RASGRP3: variants seen among roughly 807,000 people sequenced by gnomAD.
RASGRP3 encodes the protein ras guanyl-releasing protein 3.
A neutral mutation model predicts 82.7 loss-of-function variants in RASGRP3; 54 were observed. The observed-to-expected ratio is 0.65, with a 90% CI of 0.52 to 0.82. RASGRP3 has a LOEUF of 0.82. RASGRP3 is among the 40% of genes least tolerant of loss of function. RASGRP3 has a pLI of 0.00. For synonymous variants in RASGRP3, 309 were observed against 300.5 expected, an observed-to-expected ratio of 1.03 and a Z score of -0.29; for missense variants, 861 against 828.9, an observed-to-expected ratio of 1.04 and a Z score of -0.48.
chr2:33,533,966 C>T (rs1383521900), intron 10 of RASGRP3: 1 of 198,176 alleles, frequency 5.0e-6, no homozygotes, highest in Non-Finnish European at 1.0e-5. Context: ...AATCAAACTT[C>T]AAAGGCAGCA....
intron 2 of RASGRP3, chr2:33,457,961 A>T (rs1174281926): frequency 6.6e-6 from 1 of 152,196 alleles, no homozygotes; most frequent in East Asian, 1.9e-4. Flanking sequence ...TTATATTTTC[A>T]CCTGGCCCTT....
chr2:33,484,530 G>C (rs1668197687), intron 1 of RASGRP3, among the ~76,000 whole-genome samples: 1 of 151,226 alleles, frequency 6.6e-6, no homozygotes, highest in Non-Finnish European at 1.5e-5. Flanking sequence ...CGATGCTTTA[G>C]AGATCATTTT....
rs145513137 is a variant in RASGRP3, at chr2:33,438,094, G to A, written c.-385+1503G>A. Among the ~76,000 whole-genome samples, 18 of 152,264 alleles carry A rather than the reference G, an allele frequency of 1.2e-4. No homozygotes were observed. In the East Asian group the frequency reaches 2.9e-3, roughly 24 times the overall value. ...ATTTCCCTTAGAGTTTCAAAACAAC[G>A]TTCACATTTGACACATTCACATGTT... On this transcript the variant is annotated intron_variant, in intron 1 of 18. Transcript: ENST00000402538.
At chr2:33,524,103 C>G (rs963357891) in intron 8 of RASGRP3, 51 bp downstream of exon 8, 112 of 1,575,448 alleles carry the variant, frequency 7.1e-5, no homozygotes, top group Non-Finnish European at 8.9e-5. Context: ...TTCGTTCACT[C>G]TGTTGAGAAA....
intron 1 of RASGRP3, among the ~76,000 whole-genome samples, chr2:33,437,540 G>C (rs916273018): frequency 2.0e-5 from 3 of 152,196 alleles, no homozygotes; most frequent in Admixed American, 6.5e-5. Context: ...AAGGAAATGT[G>C]TGGCTGTTAT....
chr2:33,458,739 A>T (rs1306264666), intron 2 of RASGRP3, among the ~76,000 whole-genome samples: 2 of 152,252 alleles, frequency 1.3e-5, no homozygotes, highest in Non-Finnish European at 2.9e-5. Flanking sequence ...GCACCATTGC[A>T]TGCTGTGAAA....
chr2:33,487,870 C>T (rs543251062), intron 1 of RASGRP3, among the ~76,000 whole-genome samples: 2 of 152,318 alleles, frequency 1.3e-5, no homozygotes, highest in East Asian at 3.9e-4. Context: ...GAGGCTGAAG[C>T]AGGAGGATCA....
intron 13 of RASGRP3, among the ~76,000 whole-genome samples, chr2:33,545,651 G>C (rs1157567975): frequency 6.6e-6 from 1 of 152,082 alleles, no homozygotes; most frequent in East Asian, 1.9e-4. Flanking sequence ...CTTTGAGTAG[G>C]CAAAGGACAT....
rs375192496 is a variant in RASGRP3, at chr2:33,462,384, CT to C, written c.-261+14454del. ...GTAGAGGTTTTTTTTTTTTGTTTTT[CT>C]TTTTTTTTTTTTAAGACAGAGTCTC... On this transcript the variant is annotated intron_variant, in intron 2 of 18. Coordinates refer to the RASGRP3 transcript ENST00000402538. 6.9e-3 allele frequency among the ~76,000 whole-genome samples: 964 copies of C among 138,830 alleles called. 9 individuals carry two copies. The highest frequency in any genetic ancestry group is 0.054 in the Middle Eastern group (15 of 280). 91.1% of individuals were successfully genotyped at this position (138,830 alleles called of 152,430 possible). A position where few individuals can be genotyped will look rare whatever the true frequency, so the allele number is the denominator to read the frequency against.
At chr2:33,496,500 C>T (rs1463362533) in intron 1 of RASGRP3, among the ~76,000 whole-genome samples, 1 of 152,148 alleles carries the variant, frequency 6.6e-6, no homozygotes, top group Non-Finnish European at 1.5e-5. Context: ...GCCTATGTTA[C>T]AACAAAGATA....
intron 7 of RASGRP3, among the ~76,000 whole-genome samples, chr2:33,522,419 A>C (rs1349155710): frequency 1.3e-5 from 2 of 152,202 alleles, no homozygotes; most frequent in Non-Finnish European, 2.9e-5. Context: ...TCCCAAGTGA[A>C]CATGTTTTGC....
Position 33,450,818 on chromosome 2 carries a change from CTTTCTTTTTTTTTT to C in RASGRP3, c.-261+2879_-261+2892del, listed in dbSNP as rs1214305107. Among the ~76,000 whole-genome samples the C allele has an allele frequency of 4.8e-3, 207 of 43,390 alleles. 1 individual carries two copies. Among genetic ancestry groups the C allele is most frequent in the Non-Finnish European group, 7.1e-3 (153 of 21,628 alleles). The allele number at this position is 43,390 out of a possible 152,430, so 28.5% of individuals were successfully genotyped here. ...CTTTTCTTTCTTTTTCTCTTTCTTT[CTTTCTTTTTTTTTT>C]TTTTTTTTTTTTTTTTTTTTTTTGA... On this transcript the variant is annotated intron_variant, in intron 2 of 18. Coordinates refer to the RASGRP3 transcript ENST00000402538.
chr2:33,467,056 G>C (rs1413145813), intron 2 of RASGRP3, among the ~76,000 whole-genome samples: 2 of 140,014 alleles, frequency 1.4e-5, no homozygotes, highest in Non-Finnish European at 3.0e-5. Context: ...TTATATATTA[G>C]TAACATACTA....
intron 2 of RASGRP3, among the ~76,000 whole-genome samples, chr2:33,451,781 C>T (rs757774174): frequency 1.3e-5 from 2 of 151,970 alleles, no homozygotes; most frequent in Non-Finnish European, 2.9e-5. Flanking sequence ...TGGGAAGTTT[C>T]TTATCATTAT....
chr2:33,467,679 C>T (rs1474186867), intron 2 of RASGRP3, among the ~76,000 whole-genome samples: 3 of 152,108 alleles, frequency 2.0e-5, no homozygotes, highest in African/African-American at 7.2e-5. Context: ...TGGTGTAGGG[C>T]AAATGGACCC....
intron 1 of RASGRP3, among the ~76,000 whole-genome samples, chr2:33,447,266 C>G (rs2150879633): frequency 6.6e-6 from 1 of 152,102 alleles, no homozygotes; most frequent in Non-Finnish European, 1.5e-5. Flanking sequence ...TGTATGTAGC[C>G]CAAGGAACAG....
At chr2:33,458,121 A>G (rs1409299663) in intron 2 of RASGRP3, 1 of 152,176 alleles carries the variant, frequency 6.6e-6, no homozygotes, top group Non-Finnish European at 1.5e-5. Context: ...GATACAGACC[A>G]TCTGGGCCAG....
chr2:33,542,019 G>C (rs1674324970), intron 12 of RASGRP3, among the ~76,000 whole-genome samples: 1 of 146,828 alleles, frequency 6.8e-6, no homozygotes, highest in African/African-American at 2.4e-5. Flanking sequence ...CAGGAGGATG[G>C]AGTTTGATTC....
In RASGRP3 at chr2:33,523,934, T is replaced by C; in HGVS notation, c.572T>C (p.Leu191Ser). The C allele has an allele frequency of 6.2e-7, 1 of 1,613,888 alleles. No individual in the cohort carries two copies. Among genetic ancestry groups the C allele is most frequent in the Non-Finnish European group, 8.5e-7 (1 of 1,179,828 alleles). The change falls in exon 8 of 18, where the codon TTG (leucine) becomes TCG (serine). Residue 191 changes from leucine (L) to serine (S), a missense_variant. Leu to Ser is a moderately radical substitution (Grantham distance 145). Transcript: ENST00000403687. ...GGCTGCCTGGAGAATAATCCAACCT[T>C]GGAAAGATCGATTGCTTTATTTAAT... Reference protein sequence around the residue: ...IHGCLENNPTLERSIALFNGI... With the variant: ...IHGCLENNPTSERSIALFNGI...
Sources: gnomAD v4.1 joint callset for allele counts (sites outside exome capture counted in the v4.1 genomes callset) on GRCh38, gnomAD v4.1.1 for gene constraint, MANE v1.5 for transcripts, NCBI Gene and HGNC (gene_info 2026-07-23, HGNC 2026-07-21) for gene names.